The following SHANK2 variants were observed in gnomAD, a reference collection of about 807,000 sequenced individuals.
SHANK2 encodes SH3 and multiple ankyrin repeat domains protein 2.
Under a neutral mutation model 133.7 loss-of-function variants are expected in SHANK2, and 43 were observed. That is an observed-to-expected ratio of 0.32 (90% CI 0.25 to 0.41). The LOEUF is 0.41. Ranked by LOEUF, SHANK2 falls within the 10% of genes least tolerant of loss-of-function variation. The probability of loss-of-function intolerance (pLI) is 1.00; values close to 1 mark genes in which losing one functional copy is unlikely to be tolerated. For synonymous variants in SHANK2, 1,017 were observed against 952.8 expected (o/e 1.07, Z -1.24); for missense variants, 1,994 against 2,235.8 (o/e 0.89, Z 2.18).
Position 70,662,279 on chromosome 11 carries a change from G to A in SHANK2, c.1854-601C>T, listed in dbSNP as rs116533453. On this transcript the variant is annotated intron_variant, in intron 15 of 25. Transcript: ENST00000601538. ...CAGGGACCTGCGCGTCGCATCCAGCGCCCCCTCCCTCTCCCGTCCCGGCGC... is the reference window on the plus strand; with the variant it reads ...CAGGGACCTGCGCGTCGCATCCAGCACCCCCTCCCTCTCCCGTCCCGGCGC... 398 of 172,750 alleles carry A rather than the reference G, an allele frequency of 2.3e-3. 2 individuals are homozygous for A. The highest frequency in any genetic ancestry group is 9.1e-3 in the African/African-American group (380 of 41,754). 10.7% of individuals were successfully genotyped at this position (172,750 alleles called of 1,614,324 possible).
intron 2 of SHANK2, among the ~76,000 whole-genome samples, chr11:71,218,146 C>T (rs1270993908): frequency 6.6e-6 from 1 of 151,998 alleles, no homozygotes; most frequent in Non-Finnish European, 1.5e-5. Flanking sequence ...AGGCATGAGC[C>T]ACCATGCCCG....
chr11:70,487,388 G>A lies in SHANK2; in HGVS notation c.2905C>T (p.Arg969Trp). Residue 969 changes from arginine to tryptophan, a missense_variant, in exon 25 of 26, where the codon CGG (arginine) becomes TGG (tryptophan). Around this residue, in one of 5 missense-constraint regions of SHANK2, gnomAD observed 488 missense variants for 642.6 expected, o/e 0.76. Coordinates refer to ENST00000601538, the MANE Select transcript of SHANK2 (RefSeq NM_012309.5). This position sits in a 1 kb window ranked among gnomAD's most constrained non-coding sequence, Gnocchi z 5.8. ...YSLDSEDLYS[R>W]NAGPQANFRN... Reference sequence around the variant, plus strand: ...AAGTTGGCTTGCGGGCCGGCATTCCGACTGTAGAGGTCTTCAGAGTCCAAG... The same window carrying A: ...AAGTTGGCTTGCGGGCCGGCATTCCAACTGTAGAGGTCTTCAGAGTCCAAG... 4 of 1,614,130 alleles carry A rather than the reference G, an allele frequency of 2.5e-6. No homozygotes were observed. Among genetic ancestry groups the A allele is most frequent in the African/African-American group, 1.3e-5 (1 of 75,054 alleles).
chr11:70,502,760 G>GC (rs2059078716), intron 18 of SHANK2, 36 bp downstream of exon 18: 2 of 1,065,256 alleles, frequency 1.9e-6, no homozygotes, highest in Non-Finnish European at 1.3e-6. Flanking sequence ...CCCCAGTAGG[G>GC]CCCCAGGCTG....
chr11:70,927,839 T>C (rs1405649181), intron 10 of SHANK2, among the ~76,000 whole-genome samples: 1 of 152,108 alleles, frequency 6.6e-6, no homozygotes, highest in Non-Finnish European at 1.5e-5. Context: ...ATCCAATCCG[T>C]TGAGGGTCTG....
At chr11:70,531,825 G>A (rs1460602483) in intron 17 of SHANK2, among the ~76,000 whole-genome samples, 1 of 152,082 alleles carries the variant, frequency 6.6e-6, no homozygotes, top group Non-Finnish European at 1.5e-5. Context: ...GATGAGACGG[G>A]GTCCTTGCAG....
intron 17 of SHANK2, among the ~76,000 whole-genome samples, chr11:70,653,519 T>C (rs1231551419): frequency 1.4e-5 from 2 of 140,430 alleles, no homozygotes; most frequent in Non-Finnish European, 3.0e-5. Context: ...CTCGGCTCAC[T>C]GCAACCTCCC....
chr11:70,784,343 GTTTTTTTTTTTTTTTTT>G lies in SHANK2; in HGVS notation c.1777+14083_1777+14099del, dbSNP rs71049942. ...AGGGCGTGCGCCACCACACCGGCTA[GTTTTTTTTTTTTTTTTT>G]TTTTTTTTTTTTTTTAAGTAGCGAC... On this transcript the variant is annotated intron_variant, in intron 14 of 25. Transcript: ENST00000601538. 2.1e-3 allele frequency among the ~76,000 whole-genome samples: 89 copies of G among 42,868 alleles called. 2 individuals carry two copies. Among genetic ancestry groups the G allele is most frequent in the African/African-American group, 6.3e-3 (80 of 12,604 alleles). 28.1% of individuals were successfully genotyped at this position (42,868 alleles called of 152,430 possible).
chr11:70,546,538 G>A (rs1292340759), intron 17 of SHANK2, among the ~76,000 whole-genome samples: 1 of 152,218 alleles, frequency 6.6e-6, no homozygotes, highest in Non-Finnish European at 1.5e-5. Flanking sequence ...GTTGTCGAGA[G>A]TCCAGACACC....
chr11:70,643,246 C>T (rs2061210945), intron 17 of SHANK2, among the ~76,000 whole-genome samples: 1 of 152,152 alleles, frequency 6.6e-6, no homozygotes, highest in Non-Finnish European at 1.5e-5. Context: ...ACAGAGAATA[C>T]ATATAATATT....
intron 17 of SHANK2, among the ~76,000 whole-genome samples, chr11:70,545,825 C>T (rs1002778402): frequency 2.0e-5 from 3 of 152,224 alleles, no homozygotes; most frequent in African/African-American, 7.2e-5. Flanking sequence ...CAAGAAGTGG[C>T]TCCCCAGATG....
intron 14 of SHANK2, among the ~76,000 whole-genome samples, chr11:70,752,877 G>A (rs1337339526): frequency 6.6e-6 from 1 of 152,138 alleles, no homozygotes; most frequent in Non-Finnish European, 1.5e-5. Context: ...ACCTTGCGGG[G>A]CCGAGGCAGG....
chr11:70,557,032 C>T (rs531933821), intron 17 of SHANK2, among the ~76,000 whole-genome samples: 1 of 152,276 alleles, frequency 6.6e-6, no homozygotes, highest in Admixed American at 6.5e-5. Flanking sequence ...GCGAGCCTGA[C>T]TGTATTTTTA....
chr11:70,583,544 A>AG (rs1409022445), intron 17 of SHANK2, among the ~76,000 whole-genome samples: 2 of 152,186 alleles, frequency 1.3e-5, no homozygotes, highest in Admixed American at 1.3e-4. Flanking sequence ...TCTGGCTCCA[A>AG]GGAGGGCAGT....
intron 3 of SHANK2, among the ~76,000 whole-genome samples, chr11:71,141,256 A>T (rs1257508073): frequency 6.6e-6 from 1 of 151,992 alleles, no homozygotes; most frequent in African/African-American, 2.4e-5. Context: ...AGTTTGGGAG[A>T]TCGAGGTGGG....
intron 17 of SHANK2, among the ~76,000 whole-genome samples, chr11:70,525,545 C>A (rs1032645104): frequency 1.3e-5 from 2 of 152,004 alleles, no homozygotes; most frequent in Non-Finnish European, 2.9e-5. Context: ...CATTTGGAAA[C>A]GAGCTTCGAG....
intron 11 of SHANK2, among the ~76,000 whole-genome samples, chr11:70,853,323 C>T (rs545683802): frequency 3.3e-5 from 5 of 152,340 alleles, no homozygotes; most frequent in African/African-American, 9.6e-5. Context: ...AGCACAGCTT[C>T]CTGGGAGAGT....
rs903978001 is a variant in SHANK2 at position 70,860,872 on chromosome 11, A to C, written c.1174+35629T>G. On this transcript the variant is annotated intron_variant, in intron 11 of 25. Transcript: ENST00000601538. ...CCCATCTCTATTTAAACAAACAAAC[A>C]AAAAAGAAATAAAAGAAAATGTGTA... Among the ~76,000 whole-genome samples, 12 of 152,208 alleles carry C rather than the reference A, an allele frequency of 7.9e-5. 1 individual carries two copies. The highest frequency in any genetic ancestry group is 2.9e-4 in the African/African-American group (12 of 41,452).
chr11:70,620,190 G>A (rs1425944497), intron 17 of SHANK2, among the ~76,000 whole-genome samples: 8 of 152,208 alleles, frequency 5.3e-5, no homozygotes, highest in African/African-American at 1.9e-4. Context: ...TGAGTGTGGG[G>A]GTCACACAGA....
intron 17 of SHANK2, among the ~76,000 whole-genome samples, chr11:70,536,628 G>A (rs2059547692): frequency 1.3e-5 from 2 of 152,216 alleles, no homozygotes; most frequent in South Asian, 2.1e-4. Context: ...CTTCAGGCTT[G>A]TGGCTCCCCT....
Sources: allele counts gnomAD v4.1 joint callset (sites outside exome capture counted in the v4.1 genomes callset), GRCh38; gene constraint gnomAD v4.1.1; regional missense constraint gnomAD v4.1.1; non-coding constraint Gnocchi (gnomAD v3.1); transcripts MANE v1.5; gene names NCBI Gene and HGNC (gene_info 2026-07-23, HGNC 2026-07-21).